ZZZ3: variants seen among roughly 807,000 people sequenced by gnomAD.
The protein encoded by ZZZ3 is ZZ-type zinc finger-containing protein 3.
Under a neutral mutation model 95.2 loss-of-function variants are expected in ZZZ3, and 22 were observed. That is an observed-to-expected ratio of 0.23 (90% CI 0.17 to 0.33). The LOEUF (loss-of-function observed/expected upper bound fraction) is 0.33. Ranked by LOEUF, ZZZ3 falls within the 10% of genes least tolerant of loss-of-function variation. The pLI, the probability that ZZZ3 is intolerant of heterozygous loss-of-function variation, is 1.00. For missense variants in ZZZ3, 885 were observed against 1,066.5 expected (o/e 0.83, Z 2.37); for synonymous variants, 335 against 358.9 (o/e 0.93, Z 0.75).
At chr1:77,665,221 C>A (rs1557776403) in intron 1 of ZZZ3, among the ~76,000 whole-genome samples, 2 of 152,188 alleles carry the variant, frequency 1.3e-5, no homozygotes, top group Non-Finnish European at 2.9e-5. Context: ...ACTTAGAGTT[C>A]CACTGTTACC....
chr1:77,619,521 T>A (rs1382856733), intron 5 of ZZZ3, among the ~76,000 whole-genome samples: 3 of 152,210 alleles, frequency 2.0e-5, no homozygotes, highest in African/African-American at 7.2e-5. Context: ...TTAACCACTC[T>A]GTAGGCTTCT....
intron 1 of ZZZ3, 73 bp downstream of exon 1, chr1:77,682,512 C>T (rs1391843873): frequency 1.3e-5 from 2 of 152,262 alleles, no homozygotes; most frequent in African/African-American, 2.4e-5. Context: ...CCCTTCAAGA[C>T]TATGGGAAGC....
intron 12 of ZZZ3, 52 bp downstream of exon 12, chr1:77,576,016 C>T: frequency 7.4e-7 from 1 of 1,353,084 alleles, no homozygotes; most frequent in Non-Finnish European, 9.8e-7. Flanking sequence ...TTAGAAAATC[C>T]TACTCTCTTC....
intron 5 of ZZZ3, among the ~76,000 whole-genome samples, chr1:77,590,141 G>A (rs948374512): frequency 6.6e-6 from 1 of 152,244 alleles, no homozygotes; most frequent in African/African-American, 2.4e-5. Flanking sequence ...GGGAGGCCAA[G>A]GCAGGCGGAT....
chr1:77,635,180 T>G (rs1415825896), intron 4 of ZZZ3, among the ~76,000 whole-genome samples: 1 of 152,236 alleles, frequency 6.6e-6, no homozygotes, highest in Non-Finnish European at 1.5e-5. Flanking sequence ...ATCTCCCTGT[T>G]CCTGCCTGCT....
At chr1:77,670,750 C>A (rs35542208) in intron 1 of ZZZ3, among the ~76,000 whole-genome samples, 1,781 of 134,898 alleles carry the variant, frequency 0.013, 23 homozygotes, top group Non-Finnish European at 0.02. Context: ...TTTTTTTAAA[C>A]AAAACAAAAC....
rs1342311512 is a variant in ZZZ3, at chr1:77,564,696, CT to C, written c.*943del. On this transcript the variant is annotated 3_prime_UTR_variant, in exon 15 of 15. Transcript: ENST00000370801. ...TCACTGTGCAGACTAAATTTAATCA[CT>C]TGTTTAAATAGTAATAAAAATACAA... is the stretch of plus-strand genomic sequence containing the variant. 1 of 152,554 alleles carries C rather than the reference CT, an allele frequency of 6.6e-6. No individual in the cohort carries two copies. The highest frequency in any genetic ancestry group is 1.5e-5 in the Non-Finnish European group (1 of 68,002). The allele number at this position is 152,554 out of a possible 1,614,324, so 9.5% of individuals were successfully genotyped here.
In ZZZ3 at chr1:77,568,368, T is replaced by C. The variant is rs769151961; in HGVS notation, c.2430A>G (p.Gln810=). 6 of 1,597,598 alleles carry C rather than the reference T, an allele frequency of 3.8e-6. No individual in the cohort carries two copies. The highest frequency in any genetic ancestry group is 1.8e-5 in the Admixed American group (1 of 56,342). The change falls in exon 13 of 15, where the codon CAA becomes CAG. Residue 810 remains glutamine (Q), a synonymous_variant. Coordinates refer to ENST00000370801, the MANE Select transcript of ZZZ3 (RefSeq NM_015534.6). Reference sequence around the variant, plus strand: ...CATGTTGCACAAATCCACTTTCAGCTTGCATTTGCTGAAGTTTCTGCTTCT... The same window carrying C: ...CATGTTGCACAAATCCACTTTCAGCCTGCATTTGCTGAAGTTTCTGCTTCT... ...KLKKQKLQQM[Q]AESGFVQHVG...
chr1:77,599,656 G>A (rs573561649), intron 5 of ZZZ3, among the ~76,000 whole-genome samples: 3 of 151,956 alleles, frequency 2.0e-5, no homozygotes, highest in Admixed American at 6.6e-5. Flanking sequence ...ACAGCAGAAC[G>A]AGTAAAAAAA....
chr1:77,584,608 G>A lies in ZZZ3; in HGVS notation c.1553C>T (p.Ser518Phe). 1 of 1,612,238 alleles carries A rather than the reference G, an allele frequency of 6.2e-7. No homozygotes were observed. The highest frequency in any genetic ancestry group is 8.5e-7 in the Non-Finnish European group (1 of 1,179,316). The change falls in exon 6 of 15, where the codon TCT (serine) becomes TTT (phenylalanine). Residue 518 changes from serine (S) to phenylalanine (F), a missense_variant. Transcript: ENST00000370801. The part of the protein sequence containing the change: ...QTIAVLEAQR[S>F]QAVQDLESLG... ...ACTTTCAAGGTCTTGGACTGCTTGA[G>A]AACGCTGAGCCTCGAGTACAGCAAT...
At chr1:77,578,524 T>C (rs576551275) in intron 11 of ZZZ3, among the ~76,000 whole-genome samples, 5 of 152,312 alleles carry the variant, frequency 3.3e-5, no homozygotes, top group African/African-American at 1.2e-4. Flanking sequence ...TTCTAACATA[T>C]TTTGAATCTA....
At position 77,592,105 on chromosome 1, in the gene ZZZ3, C is replaced by T. The variant is rs1470339691; in HGVS notation, c.1506-7450G>A. The stretch of plus-strand genomic sequence containing the variant: ...CTGAGGAAAGAATACATATTTACTG[C>T]CCCAAATTATATTAGCTGGGTGGTC... On this transcript the variant is annotated intron_variant, in intron 5 of 14. Coordinates refer to ENST00000370801, the MANE Select transcript of ZZZ3 (RefSeq NM_015534.6). 4.6e-5 allele frequency among the ~76,000 whole-genome samples: 7 copies of T among 152,070 alleles called. No homozygotes were observed. The East Asian group carries it at 1.4e-3, about 29-fold the overall frequency.
chr1:77,592,977 T>C (rs1557707183), intron 5 of ZZZ3, among the ~76,000 whole-genome samples: 1 of 152,166 alleles, frequency 6.6e-6, no homozygotes, highest in Non-Finnish European at 1.5e-5. Flanking sequence ...TTTGGGGCAC[T>C]TTTGCCTGGA....
At chr1:77,609,294 G>A (rs1003469659) in intron 5 of ZZZ3, among the ~76,000 whole-genome samples, 1 of 152,034 alleles carries the variant, frequency 6.6e-6, no homozygotes, top group African/African-American at 2.4e-5. Context: ...AGACAAAGAA[G>A]GTCACTATGT....
chr1:77,624,238 C>T (rs1019329289), intron 5 of ZZZ3, among the ~76,000 whole-genome samples: 1 of 152,118 alleles, frequency 6.6e-6, no homozygotes, highest in Admixed American at 6.5e-5. Context: ...TCTACAATTT[C>T]CTGAGTGACA....
In ZZZ3 at chr1:77,633,264, G is replaced by A. The variant is rs755373311; in HGVS notation, c.91C>T (p.Arg31Cys). Reference protein sequence around the residue: ...ESFCGRTLRNRSIAHPEEISS... With the variant: ...ESFCGRTLRNCSIAHPEEISS... ...ATTTCTTCAGGATGCGCAATGCTAC[G>A]ATTCCTTAAAGTTCTACCACAAAAA... The change falls in exon 5 of 15, where the codon CGT (arginine) becomes TGT (cysteine). Residue 31 changes from arginine to cysteine, a missense_variant. Transcript: ENST00000370801. The A allele has an allele frequency of 2.5e-6, 4 of 1,613,870 alleles. No homozygotes were observed. Among genetic ancestry groups the A allele is most frequent in the African/African-American group, 1.3e-5 (1 of 74,888 alleles).
At position 77,587,294 on chromosome 1, in the gene ZZZ3, G is replaced by C. The variant is rs369566687; in HGVS notation, c.1506-2639C>G. On this transcript the variant is annotated intron_variant, in intron 5 of 14. Coordinates refer to ENST00000370801, the MANE Select transcript of ZZZ3 (RefSeq NM_015534.6). The stretch of plus-strand genomic sequence containing the variant: ...TTTTTTTTTTTTGAGACAGAGTCTC[G>C]CTCTGTTGCCCAGACTGGAGTGGGC... Among the ~76,000 whole-genome samples, 86 of 121,962 alleles carry C rather than the reference G, an allele frequency of 7.1e-4. No individual in the cohort carries two copies. The South Asian group carries it at 0.022, about 31-fold the overall frequency. 80.0% of individuals were successfully genotyped at this position (121,962 alleles called of 152,430 possible). A position where few individuals can be genotyped will look rare whatever the true frequency, so the allele number is the denominator to read the frequency against.
At chr1:77,647,906 G>C (rs1297130366) in intron 1 of ZZZ3, among the ~76,000 whole-genome samples, 3 of 152,104 alleles carry the variant, frequency 2.0e-5, no homozygotes, top group South Asian at 2.1e-4. Context: ...GACTATTCTG[G>C]TCTCACCTAA....
chr1:77,579,402 C>A, intron 10 of ZZZ3, 125 bp downstream of exon 10: 1 of 628,256 alleles, frequency 1.6e-6, no homozygotes, highest in East Asian at 3.1e-5. Context: ...AAAAAAACAC[C>A]ACATACTACA....
Sources: allele counts gnomAD v4.1 joint callset (sites outside exome capture counted in the v4.1 genomes callset), GRCh38; gene constraint gnomAD v4.1.1; transcripts MANE v1.5; gene names NCBI Gene and HGNC (gene_info 2026-07-23, HGNC 2026-07-21).